Variants in RPS6KC1 observed in about 807,000 individuals in gnomAD.
RPS6KC1 encodes the protein ribosomal protein S6 kinase C1.
Under a neutral mutation model 103.8 loss-of-function variants are expected in RPS6KC1, and 54 were observed. That is an observed-to-expected ratio of 0.52 (90% confidence interval 0.42 to 0.65). The LOEUF (loss-of-function observed/expected upper bound fraction) is 0.65, where lower values mean the gene tolerates loss of function less well. RPS6KC1 is among the 30% of genes least tolerant of loss of function. The pLI is 0.00. For missense variants in RPS6KC1, 1,151 were observed against 1,253.8 expected, an observed-to-expected ratio of 0.92 and a Z score of 1.24; for synonymous variants, 439 against 438.7, an observed-to-expected ratio of 1.00 and a Z score of -0.01.
At chr1:213,209,850 G>T (rs1188220373) in intron 8 of RPS6KC1, among the ~76,000 whole-genome samples, 1 of 152,088 alleles carries the variant, frequency 6.6e-6, no homozygotes, top group South Asian at 2.1e-4. Context: ...TTTGGGAAAG[G>T]GGTGTGAATT....
intron 8 of RPS6KC1, among the ~76,000 whole-genome samples, chr1:213,208,765 G>C (rs149486803): frequency 1.3e-5 from 2 of 151,784 alleles, no homozygotes; most frequent in Non-Finnish European, 1.5e-5. Context: ...ACCTTTAGCT[G>C]TTTGTAGTAT....
chr1:213,521,699 T>A, the RPS6KC1 span, among the ~76,000 whole-genome samples: 1 of 152,340 alleles, frequency 6.6e-6, no homozygotes, highest in South Asian at 2.1e-4. Context: ...GTTCACACCA[T>A]CTTCACCAGG....
chr1:213,363,790 CTTTCTTTCTTTCTTTCTTTCTTTCT>C, the RPS6KC1 span, among the ~76,000 whole-genome samples: 1 of 94,126 alleles, frequency 1.1e-5, no homozygotes, highest in African/African-American at 6.1e-5. Context: ...TTCTTTCTTT[CTTTCTTTCTTTCTTTCTTTCTTTCT>C]TCTCTCTTTT....
intron 2 of RPS6KC1, among the ~76,000 whole-genome samples, chr1:213,076,669 T>C (rs1386570809): frequency 6.6e-6 from 1 of 151,930 alleles, no homozygotes; most frequent in African/African-American, 2.4e-5. Flanking sequence ...TTCAGACTAA[T>C]GAAGGAAAAC....
the RPS6KC1 span, among the ~76,000 whole-genome samples, chr1:213,632,529 C>A: frequency 2.0e-5 from 3 of 152,230 alleles, no homozygotes; most frequent in South Asian, 6.2e-4. Flanking sequence ...CACACCAAAA[C>A]CCCATCTGTA....
At chr1:213,395,425 C>T in the RPS6KC1 span, among the ~76,000 whole-genome samples, 1 of 152,158 alleles carries the variant, frequency 6.6e-6, no homozygotes, top group Non-Finnish European at 1.5e-5. Context: ...TGCTACTCTC[C>T]CCTACTCACT....
At chr1:213,098,324 T>G (rs989120529) in intron 3 of RPS6KC1, among the ~76,000 whole-genome samples, 2 of 80,156 alleles carry the variant, frequency 2.5e-5, no homozygotes, top group African/African-American at 1.1e-4. Flanking sequence ...TTTTTTTTTG[T>G]AGAGACGGGG....
chr1:213,740,920 A>C, the RPS6KC1 span, among the ~76,000 whole-genome samples: 2 of 40,054 alleles, frequency 5.0e-5, no homozygotes, highest in African/African-American at 1.3e-4. Context: ...ACATATATAC[A>C]TCTCAGATAT....
At chr1:213,634,249 T>G in the RPS6KC1 span, among the ~76,000 whole-genome samples, 1 of 152,106 alleles carries the variant, frequency 6.6e-6, no homozygotes, top group African/African-American at 2.4e-5. Flanking sequence ...TCTACAGAAC[T>G]CTCCACCCCA....
At chr1:213,663,772 T>C in the RPS6KC1 span, among the ~76,000 whole-genome samples, 1 of 152,124 alleles carries the variant, frequency 6.6e-6, no homozygotes, top group African/African-American at 2.4e-5. Context: ...GACTTGGCAC[T>C]CACAGCTGGG....
intron 8 of RPS6KC1, among the ~76,000 whole-genome samples, chr1:213,193,731 C>T (rs765482304): frequency 2.6e-4 from 39 of 152,122 alleles, no homozygotes; most frequent in Non-Finnish European, 4.1e-4. Flanking sequence ...CACGCTTAAA[C>T]GATCCTCCCA....
chr1:213,229,130 C>T (rs1316178347), intron 8 of RPS6KC1, among the ~76,000 whole-genome samples: 1 of 152,054 alleles, frequency 6.6e-6, no homozygotes, highest in Non-Finnish European at 1.5e-5. Flanking sequence ...TATGAGGTAC[C>T]TGTGAGAATA....
the RPS6KC1 span, among the ~76,000 whole-genome samples, chr1:213,331,369 T>G: frequency 6.6e-3 from 1,003 of 152,320 alleles, 14 homozygotes; most frequent in African/African-American, 0.023. Flanking sequence ...TAGTTGGAAC[T>G]GAAAACCAAG....
At chr1:213,745,237 T>TG in the RPS6KC1 span, among the ~76,000 whole-genome samples, 1 of 151,882 alleles carries the variant, frequency 6.6e-6, no homozygotes, top group African/African-American at 2.4e-5. Context: ...GTTTTTTTTT[T>TG]TCTTTATGTA....
the RPS6KC1 span, among the ~76,000 whole-genome samples, chr1:213,643,871 T>C: frequency 2.6e-5 from 4 of 152,038 alleles, no homozygotes; most frequent in African/African-American, 7.2e-5. Flanking sequence ...TATAATAGAA[T>C]GATTGTTCAG....
intron 2 of RPS6KC1, among the ~76,000 whole-genome samples, chr1:213,072,155 A>G (rs1288054270): frequency 2.0e-5 from 3 of 150,090 alleles, no homozygotes; most frequent in Admixed American, 6.7e-5. Context: ...TTTTTTTTCC[A>G]CAATTAAATA....
chr1:213,509,809 GT>G, the RPS6KC1 span, among the ~76,000 whole-genome samples: 3 of 152,116 alleles, frequency 2.0e-5, no homozygotes, highest in Admixed American at 2.0e-4. Context: ...TAGATAACCA[GT>G]TTTTATACCA....
At chr1:213,538,210 C>T in the RPS6KC1 span, among the ~76,000 whole-genome samples, 1 of 152,162 alleles carries the variant, frequency 6.6e-6, no homozygotes, top group Non-Finnish European at 1.5e-5. Flanking sequence ...GGTGAAATAA[C>T]TGAGGAGGAA....
chr1:213,852,619 T>C, the RPS6KC1 span, among the ~76,000 whole-genome samples: 2 of 152,192 alleles, frequency 1.3e-5, no homozygotes, highest in Non-Finnish European at 2.9e-5. Context: ...CTCAATTCTT[T>C]ATCCAAAACT....
Sources: allele counts gnomAD v4.1 joint callset (sites outside exome capture counted in the v4.1 genomes callset), GRCh38; gene constraint gnomAD v4.1.1; transcripts MANE v1.5; gene names NCBI Gene and HGNC (gene_info 2026-07-23, HGNC 2026-07-21).